Variants in ATP9B observed in about 807,000 individuals in gnomAD.
ATP9B encodes the protein probable phospholipid-transporting ATPase IIB.
In ATP9B, 110 loss-of-function variants were observed where a neutral mutation model predicts 146.1. The ratio of observed to expected loss-of-function variants is 0.75; its 90% confidence interval spans 0.65 to 0.88. The LOEUF is 0.88. ATP9B is among the 40% of genes least tolerant of loss of function. ATP9B has a pLI of 0.00. For missense variants in ATP9B, 1,499 were observed against 1,496.4 expected, an observed-to-expected ratio of 1.00 and a Z score of -0.03; for synonymous variants, 604 against 569.7, an observed-to-expected ratio of 1.06 and a Z score of -0.86.
chr18:79,290,461 C>T (rs936215856), intron 13 of ATP9B, among the ~76,000 whole-genome samples: 6 of 152,122 alleles, frequency 3.9e-5, no homozygotes, highest in Non-Finnish European at 5.9e-5. Flanking sequence ...TTTTTAAGCC[C>T]GTCAGAAAAG....
intron 17 of ATP9B, among the ~76,000 whole-genome samples, chr18:79,332,412 G>C (rs1194263855): frequency 7.9e-5 from 12 of 152,378 alleles, no homozygotes; most frequent in Non-Finnish European, 8.8e-5. Context: ...CTGGGCGACA[G>C]AGCGAGACTC....
At position 79,071,399 on chromosome 18, in the gene ATP9B, C is replaced by CTTTTT. The variant is rs56119715; in HGVS notation, c.119+1880_119+1884dup. On this transcript the variant is annotated intron_variant, in intron 1 of 29. Transcript: ENST00000426216. ...ATTTCCCCTTTTTCTATTGTTCTTC[C>CTTTTT]TTTTTTTTTTTTTTGAGACAGGGTC... is the stretch of plus-strand genomic sequence containing the variant. Among the ~76,000 whole-genome samples the CTTTTT allele has an allele frequency of 3.5e-3, 244 of 69,274 alleles. 45 individuals carry two copies. The highest frequency in any genetic ancestry group is 7.2e-3 in the African/African-American group (151 of 20,834). 45.4% of individuals were successfully genotyped at this position (69,274 alleles called of 152,430 possible).
intron 11 of ATP9B, among the ~76,000 whole-genome samples, chr18:79,219,426 A>G (rs529061294): frequency 3.3e-5 from 5 of 152,108 alleles, no homozygotes; most frequent in Non-Finnish European, 7.4e-5. Flanking sequence ...AATCCATATC[A>G]CAAACCTATT....
chr18:79,191,395 T>C (rs2095365205), intron 8 of ATP9B, among the ~76,000 whole-genome samples: 1 of 152,238 alleles, frequency 6.6e-6, no homozygotes, highest in Non-Finnish European at 1.5e-5. Context: ...AGTCATTATT[T>C]CTTCAAGTAG....
At chr18:79,128,854 A>C (rs2094331458) in intron 5 of ATP9B, among the ~76,000 whole-genome samples, 1 of 152,206 alleles carries the variant, frequency 6.6e-6, no homozygotes, top group South Asian at 2.1e-4. Flanking sequence ...TCAAAGGTTT[A>C]CAGCACCCAG....
chr18:79,257,338 A>C (rs1281279357), intron 12 of ATP9B, among the ~76,000 whole-genome samples: 1 of 152,238 alleles, frequency 6.6e-6, no homozygotes, highest in Non-Finnish European at 1.5e-5. Context: ...GCAGCAAGGT[A>C]AGTGTTGTCA....
In ATP9B at chr18:79,298,870, C is replaced by G. The variant is rs529324091; in HGVS notation, c.1412-4734C>G. 5.9e-5 allele frequency among the ~76,000 whole-genome samples: 8 copies of G among 135,084 alleles called. 2 individuals are homozygous for G. The highest frequency in any genetic ancestry group is 2.2e-4 in the African/African-American group (8 of 37,172). 88.6% of individuals were successfully genotyped at this position (135,084 alleles called of 152,430 possible). On this transcript the variant is annotated intron_variant, in intron 13 of 29. Transcript: ENST00000426216. ...TTCAGACTCACCATCTGTGTGTTCTCCCCTTCTCCCAAAGCTGTCTACTTT... is the reference window on the plus strand; with the variant it reads ...TTCAGACTCACCATCTGTGTGTTCTGCCCTTCTCCCAAAGCTGTCTACTTT...
Position 79,342,376 on chromosome 18 carries a change from T to C in ATP9B, c.2382+10T>C, listed in dbSNP as rs371418836. The C allele has an allele frequency of 1.3e-6, 2 of 1,571,492 alleles. No homozygotes were observed. Among genetic ancestry groups the C allele is most frequent in the African/African-American group, 2.7e-5 (2 of 74,100 alleles). ...TCATATTTTCAGACAGGTAAGTATG[T>C]ATCTTAATCACTTTGAATTTTTAAA... On this transcript the variant is annotated intron_variant, in intron 20 of 29. Transcript: ENST00000426216.
At chr18:79,090,522 C>T (rs938139831) in intron 1 of ATP9B, among the ~76,000 whole-genome samples, 2 of 152,184 alleles carry the variant, frequency 1.3e-5, no homozygotes, top group African/African-American at 4.8e-5. Context: ...CTCTGATGAT[C>T]AGCGATGTCG....
chr18:79,285,873 G>A (rs1316695617), intron 13 of ATP9B, among the ~76,000 whole-genome samples: 1 of 151,366 alleles, frequency 6.6e-6, no homozygotes, highest in Non-Finnish European at 1.5e-5. Flanking sequence ...ATTAAATAGG[G>A]AATCCTTTCC....
At chr18:79,331,264 A>G (rs950188718) in intron 17 of ATP9B, among the ~76,000 whole-genome samples, 2 of 152,340 alleles carry the variant, frequency 1.3e-5, no homozygotes, top group Admixed American at 6.5e-5. Flanking sequence ...TAGTGGCAAT[A>G]TGAATCAATA....
chr18:79,072,817 G>A (rs2072056627), intron 1 of ATP9B, among the ~76,000 whole-genome samples: 1 of 151,814 alleles, frequency 6.6e-6, no homozygotes, highest in Non-Finnish European at 1.5e-5. Context: ...CCGGGCAGAG[G>A]GGCTCCTCAC....
In ATP9B at chr18:79,256,286, T is replaced by TATAC. The variant is rs398033647; in HGVS notation, c.1268+2746_1268+2747insTACA. On this transcript the variant is annotated intron_variant, in intron 12 of 29. Coordinates refer to ENST00000426216, the MANE Select transcript of ATP9B (RefSeq NM_198531.5). The stretch of plus-strand genomic sequence containing the variant: ...ATATATATATATATATATATATATA[T>TATAC]ACATACATAGTGAGGCTATGTTATT... 1.8e-3 allele frequency among the ~76,000 whole-genome samples: 220 copies of TATAC among 123,060 alleles called. 2 individuals are homozygous for TATAC. Among genetic ancestry groups the TATAC allele is most frequent in the Non-Finnish European group, 2.9e-3 (170 of 58,418 alleles). 80.7% of individuals were successfully genotyped at this position (123,060 alleles called of 152,430 possible). A position where few individuals can be genotyped will look rare whatever the true frequency, so the allele number is the denominator to read the frequency against.
intron 4 of ATP9B, among the ~76,000 whole-genome samples, chr18:79,125,028 A>G (rs1259537692): frequency 6.6e-6 from 1 of 152,206 alleles, no homozygotes; most frequent in Non-Finnish European, 1.5e-5. Context: ...CTGGTGAACA[A>G]TTGGAATGCA....
chr18:79,244,769 T>G (rs1316285768), intron 11 of ATP9B, among the ~76,000 whole-genome samples: 1 of 152,198 alleles, frequency 6.6e-6, no homozygotes, highest in East Asian at 1.9e-4. Flanking sequence ...GTAAGGAGCA[T>G]AGTCTCTTCA....
At chr18:79,238,599 C>T (rs568662034) in intron 11 of ATP9B, among the ~76,000 whole-genome samples, 76 of 152,188 alleles carry the variant, frequency 5.0e-4, no homozygotes, top group Non-Finnish European at 9.6e-4. Flanking sequence ...CCCCGTTCTG[C>T]GCTCTCCTCA....
intron 15 of ATP9B, among the ~76,000 whole-genome samples, chr18:79,322,474 G>A (rs2096721601): frequency 1.3e-5 from 2 of 152,188 alleles, no homozygotes; most frequent in South Asian, 4.1e-4. Flanking sequence ...ATCAGTAGGA[G>A]AGGGTTCTGA....
At chr18:79,238,701 T>G (rs2095864097) in intron 11 of ATP9B, among the ~76,000 whole-genome samples, 1 of 152,198 alleles carries the variant, frequency 6.6e-6, no homozygotes, top group Non-Finnish European at 1.5e-5. Context: ...ACGCTTCCTG[T>G]CTCTACCCTA....
At chr18:79,114,175 G>A (rs898460517) in intron 4 of ATP9B, among the ~76,000 whole-genome samples, 1 of 152,134 alleles carries the variant, frequency 6.6e-6, no homozygotes, top group African/African-American at 2.4e-5. Context: ...GGCTAGGCTG[G>A]TCTCGAACTC....
Sources: allele counts gnomAD v4.1 joint callset (sites outside exome capture counted in the v4.1 genomes callset), GRCh38; gene constraint gnomAD v4.1.1; transcripts MANE v1.5; gene names NCBI Gene and HGNC (gene_info 2026-07-23, HGNC 2026-07-21).